Variants in EBF1 observed in about 807,000 individuals in gnomAD.
EBF1 encodes EBF transcription factor 1, also known as transcription factor COE1.
EBF1 carries 10 observed loss-of-function variants against 68.4 expected under a neutral mutation model. That is an observed-to-expected ratio of 0.15 (90% CI 0.09 to 0.25). The LOEUF (loss-of-function observed/expected upper bound fraction) is 0.25. Ranked by LOEUF, EBF1 falls within the 10% of genes least tolerant of loss-of-function variation. EBF1 has a pLI of 1.00. For synonymous variants in EBF1, 298 were observed against 299.8 expected (o/e 0.99, Z 0.06); for missense variants, 509 against 794.4 (o/e 0.64, Z 4.32).
intron 9 of EBF1, among the ~76,000 whole-genome samples, chr5:158,786,113 A>ACAC (rs891632673): frequency 6.6e-6 from 1 of 152,182 alleles, no homozygotes; most frequent in Non-Finnish European, 1.5e-5. Flanking sequence ...GAAATAATCA[A>ACAC]CACCACTCCA....
intron 6 of EBF1, among the ~76,000 whole-genome samples, chr5:159,010,808 T>C (rs530658056): frequency 1.3e-5 from 2 of 152,332 alleles, no homozygotes; most frequent in African/African-American, 2.4e-5. Flanking sequence ...CGTAACGAGA[T>C]GATGTACGCC....
chr5:158,747,839 T>C (rs1164006377), intron 10 of EBF1, among the ~76,000 whole-genome samples: 1 of 152,186 alleles, frequency 6.6e-6, no homozygotes, highest in Non-Finnish European at 1.5e-5. Flanking sequence ...CTCTGTGAAG[T>C]CTGTACTGTT....
At chr5:158,824,035 C>CA (rs1785458778) in intron 7 of EBF1, among the ~76,000 whole-genome samples, 1 of 151,964 alleles carries the variant, frequency 6.6e-6, no homozygotes. Flanking sequence ...GAGACACAGG[C>CA]AAAGATGTTG....
rs188011838 is a variant in EBF1, at chr5:158,834,012, G to A, written c.636+6017C>T. On this transcript the variant is annotated intron_variant, in intron 7 of 15. Transcript: ENST00000313708. ...ATAGTTATAGATCTAATATTTATAC[G>A]TGAATATAGATTTATAGCCAATGGA... Among the ~76,000 whole-genome samples, 26 of 152,190 alleles carry A rather than the reference G, an allele frequency of 1.7e-4. No individual in the cohort carries two copies. The East Asian group carries it at 2.7e-3, about 16-fold the overall frequency.
At chr5:158,993,621 C>A (rs762726120) in intron 6 of EBF1, among the ~76,000 whole-genome samples, 2 of 152,152 alleles carry the variant, frequency 1.3e-5, no homozygotes, top group African/African-American at 2.4e-5. Context: ...TCTGAGCCTT[C>A]TTTTCTTGTC....
chr5:159,017,831 TA>T (rs1765911634), intron 6 of EBF1, among the ~76,000 whole-genome samples: 1 of 152,182 alleles, frequency 6.6e-6, no homozygotes, highest in African/African-American at 2.4e-5. Context: ...CTGAGAAGGC[TA>T]AGGAGTATTA....
chr5:159,012,889 G>A (rs1428433203), intron 6 of EBF1, among the ~76,000 whole-genome samples: 4 of 152,134 alleles, frequency 2.6e-5, no homozygotes, highest in East Asian at 1.9e-4. Context: ...CTTATAAGAG[G>A]AAGACATTAA....
At chr5:158,985,448 G>C (rs2127595035) in intron 6 of EBF1, among the ~76,000 whole-genome samples, 1 of 152,284 alleles carries the variant, frequency 6.6e-6, no homozygotes, top group East Asian at 1.9e-4. Context: ...GGAGGCAAAG[G>C]CTAGACATCA....
intron 7 of EBF1, among the ~76,000 whole-genome samples, chr5:158,834,275 G>T (rs534450560): frequency 1.3e-5 from 2 of 152,262 alleles, no homozygotes; most frequent in African/African-American, 4.8e-5. Context: ...ATAGTCCTTT[G>T]ACATTAGCAT....
chr5:159,065,557 C>T (rs922083999), intron 6 of EBF1, among the ~76,000 whole-genome samples: 6 of 152,132 alleles, frequency 3.9e-5, no homozygotes, highest in African/African-American at 1.4e-4. Context: ...AAGGGCTCTT[C>T]CTACCCACAC....
At chr5:158,806,224 C>T (rs147361074) in intron 8 of EBF1, among the ~76,000 whole-genome samples, 3 of 152,168 alleles carry the variant, frequency 2.0e-5, no homozygotes, top group Non-Finnish European at 4.4e-5. Context: ...GCTCTGACTA[C>T]CAGGCACGGT....
intron 5 of EBF1, among the ~76,000 whole-genome samples, chr5:159,078,067 C>T (rs1002887345): frequency 6.6e-6 from 1 of 152,034 alleles, no homozygotes; most frequent in Non-Finnish European, 1.5e-5. Context: ...TGGCAATATG[C>T]TTTTACATTA....
intron 1 of EBF1, 75 bp downstream of exon 1, chr5:159,099,269 GC>G: frequency 9.2e-7 from 1 of 1,091,706 alleles, no homozygotes; most frequent in Non-Finnish European, 1.1e-6. Context: ...AGCAGCTGCC[GC>G]TGCCGCTGCC....
At chr5:158,934,310 A>C (rs1261438460) in intron 6 of EBF1, among the ~76,000 whole-genome samples, 2 of 152,194 alleles carry the variant, frequency 1.3e-5, no homozygotes, top group Non-Finnish European at 2.9e-5. Context: ...CACTTCATAC[A>C]CATACACATA....
At chr5:158,903,222 C>A (rs571896113) in intron 6 of EBF1, among the ~76,000 whole-genome samples, 1 of 152,328 alleles carries the variant, frequency 6.6e-6, no homozygotes, top group African/African-American at 2.4e-5. Flanking sequence ...TCAGCTCATT[C>A]ATTTATAAAT....
intron 6 of EBF1, among the ~76,000 whole-genome samples, chr5:158,855,669 C>G (rs920635790): frequency 3.3e-5 from 5 of 152,220 alleles, no homozygotes; most frequent in African/African-American, 1.2e-4. Flanking sequence ...CGGTGCTTGG[C>G]ATCTGGCAGT....
chr5:159,048,580 C>T (rs954643025), intron 6 of EBF1, among the ~76,000 whole-genome samples: 11 of 152,200 alleles, frequency 7.2e-5, no homozygotes, highest in African/African-American at 2.7e-4. Context: ...CCAATGGGAC[C>T]ATGTACCAGC....
chr5:159,075,286 C>T (rs1269780431), intron 5 of EBF1, among the ~76,000 whole-genome samples: 1 of 152,170 alleles, frequency 6.6e-6, no homozygotes, highest in Non-Finnish European at 1.5e-5. Flanking sequence ...CCTGCACCTA[C>T]CCTCTTCAGT....
chr5:158,799,511 AC>A (rs1457958374), intron 8 of EBF1, among the ~76,000 whole-genome samples: 1 of 152,164 alleles, frequency 6.6e-6, no homozygotes, highest in Non-Finnish European at 1.5e-5. Flanking sequence ...TAAATGAAGA[AC>A]CCCAACATGT....
Sources: gnomAD v4.1 joint callset for allele counts (sites outside exome capture counted in the v4.1 genomes callset) on GRCh38, gnomAD v4.1.1 for gene constraint, MANE v1.5 for transcripts, NCBI Gene and HGNC (gene_info 2026-07-23, HGNC 2026-07-21) for gene names.